CCDC197: variants seen among roughly 807,000 people sequenced by gnomAD.
The protein encoded by CCDC197 is coiled-coil domain containing 197.
In CCDC197, 24 loss-of-function variants were observed where a neutral mutation model predicts 13.4. That is an observed-to-expected ratio of 1.80 (90% confidence interval 1.30 to 2.53). The LOEUF (loss-of-function observed/expected upper bound fraction) is 2.53, where lower values mean the gene tolerates loss of function less well. CCDC197 is among the 30% of genes most tolerant of loss of function. The pLI, the probability that CCDC197 is intolerant of heterozygous loss-of-function variation, is 0.00. For synonymous variants in CCDC197, 99 were observed against 55.5 expected, an observed-to-expected ratio of 1.78 and a Z score of -3.48; for missense variants, 255 against 148.8, an observed-to-expected ratio of 1.71 and a Z score of -3.71.
chr14:94,002,967 T>G (rs2141373155), intron 4 of CCDC197, among the ~76,000 whole-genome samples: 1 of 151,858 alleles, frequency 6.6e-6, no homozygotes, highest in South Asian at 2.1e-4. Flanking sequence ...CAAAGGCACA[T>G]CTTACCTGGT....
intron 4 of CCDC197, among the ~76,000 whole-genome samples, chr14:94,002,200 C>T (rs757516164): frequency 2.0e-5 from 3 of 152,132 alleles, no homozygotes; most frequent in Admixed American, 6.5e-5. Flanking sequence ...AGCGGGGCCA[C>T]GGGGGTATGT....
At chr14:94,001,370 T>C (rs373070916) in intron 4 of CCDC197, 47 bp downstream of exon 4, 6 of 684,432 alleles carry the variant, frequency 8.8e-6, no homozygotes, top group Non-Finnish European at 1.6e-5. Flanking sequence ...CCCAGGGAGC[T>C]GGGGGCGTGG....
At chr14:93,993,820 C>T (rs995866865), upstream of CCDC197, among the ~76,000 whole-genome samples, 3 of 152,222 alleles carry the variant, frequency 2.0e-5, no homozygotes, top group African/African-American at 7.2e-5. Flanking sequence ...CTGTAACAGA[C>T]AGACTTGCCT....
intron 1 of CCDC197, among the ~76,000 whole-genome samples, chr14:93,988,066 G>A (rs1890131759): frequency 8.1e-6 from 1 of 123,914 alleles, no homozygotes; most frequent in Non-Finnish European, 1.7e-5. Flanking sequence ...GGAGAGGAGA[G>A]GAGGGGATGA....
chr14:94,005,145 C>A (rs756806942), intron 6 of CCDC197, among the ~76,000 whole-genome samples, 174 bp downstream of exon 6: 5 of 152,150 alleles, frequency 3.3e-5, no homozygotes, highest in Non-Finnish European at 7.3e-5. Context: ...TATTAGTCTA[C>A]AAACTTGAGC....
intron 1 of CCDC197, chr14:93,987,484 G>A (rs1567038630): frequency 1.3e-5 from 2 of 152,850 alleles, no homozygotes; most frequent in South Asian, 4.1e-4. Context: ...CCTCTTCCTC[G>A]TGGCTCTGCC....
downstream of CCDC197, among the ~76,000 whole-genome samples, chr14:94,009,318 A>G (rs1372953507): frequency 6.6e-6 from 1 of 152,188 alleles, no homozygotes. Flanking sequence ...GTTGAGTACC[A>G]GGTTGGTACC....
intron 4 of CCDC197, chr14:94,001,625 T>A (rs926995553): frequency 7.3e-6 from 2 of 273,930 alleles, no homozygotes; most frequent in Non-Finnish European, 1.4e-5. Flanking sequence ...GACTAGTTTG[T>A]AGCCTCTCTG....
chr14:94,010,446 C>G (rs548620515), downstream of CCDC197, among the ~76,000 whole-genome samples: 2 of 152,190 alleles, frequency 1.3e-5, no homozygotes, highest in Non-Finnish European at 2.9e-5. Context: ...TCAGGTGATC[C>G]GCCCGCCTTG....
chr14:94,008,870 C>A (rs1198381524), downstream of CCDC197: 1 of 658,998 alleles, frequency 1.5e-6, no homozygotes, highest in Non-Finnish European at 2.8e-6. Flanking sequence ...TGCCTGCCTC[C>A]TTTTCTCACC....
downstream of CCDC197, among the ~76,000 whole-genome samples, chr14:94,010,434 C>G (rs1001721752): frequency 6.6e-6 from 1 of 152,314 alleles, no homozygotes; most frequent in Admixed American, 6.5e-5. Context: ...GAACTCCTGA[C>G]CTCAGGTGAT....
chr14:93,990,317 C>T (rs184301220), intron 1 of CCDC197, among the ~76,000 whole-genome samples: 26 of 152,280 alleles, frequency 1.7e-4, no homozygotes, highest in African/African-American at 5.5e-4. Flanking sequence ...GTTTCCTTCT[C>T]GGCTTTCAGA....
rs576148003 is a variant in CCDC197, at chr14:94,008,555, G to A, written c.616-54G>A. 5.8e-6 allele frequency: 4 copies of A among 684,346 alleles called. No homozygotes were observed. The East Asian group carries it at 8.2e-5, about 14-fold the overall frequency. 42.4% of individuals were successfully genotyped at this position (684,346 alleles called of 1,614,324 possible). ...TTGATGATGCTTTGGTACCTAGAAAGCAGCGTCCAGAGGCCAAAACACTGT... is the reference window on the plus strand; with the variant it reads ...TTGATGATGCTTTGGTACCTAGAAAACAGCGTCCAGAGGCCAAAACACTGT... On this transcript the variant is annotated intron_variant, in intron 6 of 6. Transcript: ENST00000636493.
rs574211247 is a variant in CCDC197, at chr14:94,007,180, TATC to T, written c.616-1428_616-1426del. 3.9e-5 allele frequency: 6 copies of T among 152,352 alleles called. No homozygotes were observed. In the South Asian group the frequency reaches 1.2e-3, roughly 32 times the overall value. 9.4% of individuals were successfully genotyped at this position (152,352 alleles called of 1,614,324 possible). ...GTATGTATTTGTCCTTTAGGAGTCA[TATC>T]TAAAAAGCCATTACCTAATCCAGGG... On this transcript the variant is annotated intron_variant, in intron 6 of 6. Coordinates refer to ENST00000636493, the MANE Select transcript of CCDC197 (RefSeq NM_001351596.2).
chr14:94,000,045 G>A (rs1303883752), intron 3 of CCDC197, among the ~76,000 whole-genome samples: 2 of 152,016 alleles, frequency 1.3e-5, no homozygotes, highest in Non-Finnish European at 2.9e-5. Flanking sequence ...GTTTGTCTTT[G>A]GTTTTGTGTT....
At chr14:93,998,461 C>T (rs764832164) in intron 2 of CCDC197, among the ~76,000 whole-genome samples, 26 of 152,298 alleles carry the variant, frequency 1.7e-4, no homozygotes, top group South Asian at 1.0e-3. Flanking sequence ...GGGCCAGTCC[C>T]GGGCCCTCTG....
rs748749118 is a variant in CCDC197 at position 94,008,747 on chromosome 14, C to T, written c.754C>T (p.Arg252Trp). The T allele has an allele frequency of 4.4e-5, 31 of 702,646 alleles. 2 individuals carry two copies. Among genetic ancestry groups the T allele is most frequent in the South Asian group, 1.6e-4 (11 of 67,600 alleles). The allele number at this position is 702,646 out of a possible 1,614,324, so 43.5% of individuals were successfully genotyped here. A position where few individuals can be genotyped will look rare whatever the true frequency, so the allele number is the denominator to read the frequency against. The change falls in exon 7 of 7, where the codon CGG (arginine) becomes TGG (tryptophan). Residue 252 changes from arginine to tryptophan, a missense_variant. Coordinates refer to ENST00000636493, the MANE Select transcript of CCDC197 (RefSeq NM_001351596.2). Reference sequence around the variant, plus strand: ...ACCCTTCAGGAAATGTCCAAGGAGGCGGGTTTCCACCCCCAGGACCCCCTT... The same window carrying T: ...ACCCTTCAGGAAATGTCCAAGGAGGTGGGTTTCCACCCCCAGGACCCCCTT... ...PKPFRKCPRR[R>W]VSTPRTPFPS...
intron 2 of CCDC197, chr14:93,999,344 C>T: frequency 2.0e-6 from 1 of 506,000 alleles, no homozygotes. Context: ...CAGATACCTT[C>T]TTTGCTGCCT....
intron 1 of CCDC197, among the ~76,000 whole-genome samples, chr14:93,988,706 G>GGAGGGGATGGGA (rs1890153947): frequency 1.2e-5 from 1 of 84,896 alleles, no homozygotes; most frequent in African/African-American, 5.3e-5. Flanking sequence ...AGGGGCGGAA[G>GGAGGGGATGGGA]GAGGGGATGG....
Sources: allele counts gnomAD v4.1 joint callset (sites outside exome capture counted in the v4.1 genomes callset), GRCh38; gene constraint gnomAD v4.1.1; transcripts MANE v1.5; gene names NCBI Gene and HGNC (gene_info 2026-07-23, HGNC 2026-07-21).